Variants in CCSER1 observed in about 807,000 individuals in gnomAD.
The protein encoded by CCSER1 is serine-rich coiled-coil domain-containing protein 1.
CCSER1 carries 41 observed loss-of-function variants against 82.0 expected under a neutral mutation model. That is an observed-to-expected ratio of 0.50 (90% CI 0.39 to 0.65). CCSER1 has a LOEUF of 0.65. Among genes scored for constraint, CCSER1 ranks in the 30% least tolerant of loss-of-function variants. CCSER1 has a pLI of 0.00. For missense variants in CCSER1, 1,119 were observed against 1,064.2 expected, an observed-to-expected ratio of 1.05 and a Z score of -0.72; for synonymous variants, 414 against 383.9, an observed-to-expected ratio of 1.08 and a Z score of -0.92.
At chr4:90,592,251 T>C (rs1214329237) in intron 5 of CCSER1, among the ~76,000 whole-genome samples, 2 of 152,196 alleles carry the variant, frequency 1.3e-5, no homozygotes, top group Non-Finnish European at 2.9e-5. Context: ...GATTTTTAAC[T>C]GACAGATTAT....
chr4:91,318,839 G>T (rs1231087050), intron 10 of CCSER1, among the ~76,000 whole-genome samples: 1 of 151,950 alleles, frequency 6.6e-6, no homozygotes, highest in East Asian at 1.9e-4. Flanking sequence ...TCTAGATTTG[G>T]AATACACAGC....
At chr4:90,818,780 C>A (rs953638650) in intron 8 of CCSER1, among the ~76,000 whole-genome samples, 5 of 152,248 alleles carry the variant, frequency 3.3e-5, no homozygotes, top group Non-Finnish European at 7.4e-5. Flanking sequence ...AAAATTGCCT[C>A]CAGGTGAGAA....
intron 8 of CCSER1, among the ~76,000 whole-genome samples, chr4:90,904,593 C>T (rs916828153): frequency 2.6e-5 from 4 of 152,070 alleles, no homozygotes; most frequent in South Asian, 2.1e-4. Flanking sequence ...AATGCTCTGG[C>T]ATTAGCCATG....
At chr4:90,870,479 A>G (rs182760419) in intron 8 of CCSER1, among the ~76,000 whole-genome samples, 1 of 151,626 alleles carries the variant, frequency 6.6e-6, no homozygotes, top group East Asian at 1.9e-4. Flanking sequence ...TTTTGTTTTT[A>G]TGATGTATCA....
chr4:91,379,422 A>G (rs1482338677), intron 10 of CCSER1, among the ~76,000 whole-genome samples: 3 of 152,136 alleles, frequency 2.0e-5, no homozygotes, highest in Non-Finnish European at 4.4e-5. Context: ...TATTGCCTCA[A>G]TTTCAGAGCC....
intron 10 of CCSER1, among the ~76,000 whole-genome samples, chr4:91,498,273 T>A (rs1759032564): frequency 6.6e-6 from 1 of 151,958 alleles, no homozygotes; most frequent in Non-Finnish European, 1.5e-5. Context: ...GGAAAGTAAT[T>A]CAGTAATTTT....
At chr4:91,042,396 T>G (rs1742037862) in intron 9 of CCSER1, among the ~76,000 whole-genome samples, 1 of 152,192 alleles carries the variant, frequency 6.6e-6, no homozygotes, top group African/African-American at 2.4e-5. Flanking sequence ...ATTAAACCTC[T>G]TTCCTTAATA....
In CCSER1 at chr4:91,598,598, C is replaced by A; in HGVS notation, c.2244C>A (p.Ser748Arg). 2 of 1,548,770 alleles carry A rather than the reference C, an allele frequency of 1.3e-6. No homozygotes were observed. Among genetic ancestry groups the A allele is most frequent in the South Asian group, 2.4e-5 (2 of 83,932 alleles). ...REATYRNRIVSQNLSTRDRKA... is the reference protein window; with the variant it reads ...REATYRNRIVRQNLSTRDRKA... ...CTACATATCGAAATCGAATTGTGAG[C>A]CAAAATCTCAGCACAAGGGACAGAA... Residue 748 changes from serine (S) to arginine (R), a missense_variant, in exon 11 of 11, where the codon AGC becomes AGA. By Grantham distance (110) the Ser-to-Arg change is moderately radical. Coordinates refer to ENST00000509176, the MANE Select transcript of CCSER1 (RefSeq NM_001145065.2).
chr4:90,228,347 C>T (rs1743670804), intron 1 of CCSER1, among the ~76,000 whole-genome samples: 1 of 152,154 alleles, frequency 6.6e-6, no homozygotes. Flanking sequence ...TGGGAGGCAC[C>T]CCCCAGCAGG....
chr4:90,136,872 G>T (rs1008983581), intron 1 of CCSER1, among the ~76,000 whole-genome samples: 7 of 152,214 alleles, frequency 4.6e-5, no homozygotes, highest in Admixed American at 3.9e-4. Flanking sequence ...GAGAAGTTAG[G>T]AAAAGGAGGA....
chr4:91,252,983 C>T (rs2149150385), intron 10 of CCSER1, among the ~76,000 whole-genome samples: 1 of 151,936 alleles, frequency 6.6e-6, no homozygotes, highest in East Asian at 1.9e-4. Context: ...GAATTAAACA[C>T]CTGAATCAAA....
chr4:90,259,441 T>C (rs778171176), intron 1 of CCSER1, among the ~76,000 whole-genome samples: 18 of 152,242 alleles, frequency 1.2e-4, no homozygotes, highest in African/African-American at 2.6e-4. Flanking sequence ...TCTTTTTTTT[T>C]CCCAATTTGT....
chr4:91,085,323 A>G (rs192881804), intron 9 of CCSER1, among the ~76,000 whole-genome samples: 3 of 152,232 alleles, frequency 2.0e-5, no homozygotes, highest in Admixed American at 1.3e-4. Flanking sequence ...AGCAAAAGTA[A>G]TTGTAGTTTT....
chr4:90,190,164 G>A lies in CCSER1; in HGVS notation c.-42+62333G>A, dbSNP rs569461592. On this transcript the variant is annotated intron_variant, in intron 1 of 10. Coordinates refer to ENST00000509176, the MANE Select transcript of CCSER1 (RefSeq NM_001145065.2). ...AGAAATGCCATGTGACTTAGCAGGC[G>A]CATCTAGAATAATGAATTCAACCAT... 5.8e-4 allele frequency among the ~76,000 whole-genome samples: 88 copies of A among 152,082 alleles called. 1 individual carries two copies. The highest frequency in any genetic ancestry group is 1.6e-3 in the African/African-American group (67 of 41,540).
chr4:90,250,027 C>A (rs1158401435), intron 1 of CCSER1, among the ~76,000 whole-genome samples: 1 of 151,910 alleles, frequency 6.6e-6, no homozygotes, highest in Non-Finnish European at 1.5e-5. Flanking sequence ...TCCTTGGGGT[C>A]ATTTATATAT....
intron 1 of CCSER1, among the ~76,000 whole-genome samples, chr4:90,225,231 ATTTTTT>A (rs57188209): frequency 2.7e-4 from 30 of 111,868 alleles, no homozygotes; most frequent in African/African-American, 9.6e-4. Flanking sequence ...TACCCGGCTA[ATTTTTT>A]TTTTTTTTTT....
chr4:90,454,211 CT>C (rs1406193981), intron 4 of CCSER1, among the ~76,000 whole-genome samples: 6 of 150,778 alleles, frequency 4.0e-5, no homozygotes, highest in Non-Finnish European at 8.9e-5. Context: ...GAGCCTCTGC[CT>C]TTTCTTTTGT....
At chr4:90,577,409 T>A (rs947288313) in intron 5 of CCSER1, among the ~76,000 whole-genome samples, 3 of 152,112 alleles carry the variant, frequency 2.0e-5, no homozygotes, top group African/African-American at 7.2e-5. Context: ...TTGTCAGTTT[T>A]AGTTGAGGGA....
At chr4:90,541,019 T>G (rs1051566857) in intron 5 of CCSER1, among the ~76,000 whole-genome samples, 1 of 152,218 alleles carries the variant, frequency 6.6e-6, no homozygotes, top group Admixed American at 6.6e-5. Context: ...CTATTTGAAA[T>G]TCCACCATTT....
Sources: gnomAD v4.1 joint callset for allele counts (sites outside exome capture counted in the v4.1 genomes callset) on GRCh38, gnomAD v4.1.1 for gene constraint, MANE v1.5 for transcripts, NCBI Gene and HGNC (gene_info 2026-07-23, HGNC 2026-07-21) for gene names.